The following PSD3 variants were observed in gnomAD, a reference collection of about 807,000 sequenced individuals.
PSD3 encodes pleckstrin and Sec7 domain containing 3.
A neutral mutation model predicts 105.5 loss-of-function variants in PSD3; 49 were observed. That is an observed-to-expected ratio of 0.46 (90% CI 0.37 to 0.59). PSD3 has a LOEUF of 0.59. Among genes scored for constraint, PSD3 ranks in the 20% least tolerant of loss-of-function variants. The probability of loss-of-function intolerance (pLI) is 0.00; values close to 1 mark genes in which losing one functional copy is unlikely to be tolerated. For synonymous variants in PSD3, 557 were observed against 457.8 expected, an observed-to-expected ratio of 1.22 and a Z score of -2.77; for missense variants, 1,561 against 1,263.8, an observed-to-expected ratio of 1.24 and a Z score of -3.57.
chr8:18,678,693 C>A (rs553462693), intron 9 of PSD3, among the ~76,000 whole-genome samples: 98 of 3,106 alleles, frequency 0.032, 1 homozygote, highest in Non-Finnish European at 0.096. Flanking sequence ...TGCCTGTAAT[C>A]CCAGCTAACT....
intron 10 of PSD3, among the ~76,000 whole-genome samples, chr8:18,643,428 C>A (rs1442384704): frequency 6.6e-6 from 1 of 152,176 alleles, no homozygotes; most frequent in African/African-American, 2.4e-5. Flanking sequence ...ACTCAGAAGT[C>A]CGAAGTCCAA....
At chr8:19,035,214 A>C (rs901607577) in intron 1 of PSD3, among the ~76,000 whole-genome samples, 4 of 152,202 alleles carry the variant, frequency 2.6e-5, no homozygotes, top group African/African-American at 7.2e-5. Context: ...ATATTATAGC[A>C]CTACATAATA....
chr8:18,885,812 T>C (rs1341113410), intron 2 of PSD3, among the ~76,000 whole-genome samples: 1 of 152,188 alleles, frequency 6.6e-6, no homozygotes, highest in Admixed American at 6.5e-5. Flanking sequence ...AAATCTTGAA[T>C]TACTATAAAA....
At chr8:18,722,706 A>C (rs539224660) in intron 9 of PSD3, among the ~76,000 whole-genome samples, 10 of 152,272 alleles carry the variant, frequency 6.6e-5, no homozygotes, top group Admixed American at 6.5e-4. Flanking sequence ...GATGAGGGAG[A>C]AAAGCATACT....
At chr8:18,750,986 G>T (rs1457621653) in intron 9 of PSD3, among the ~76,000 whole-genome samples, 1 of 152,140 alleles carries the variant, frequency 6.6e-6, no homozygotes, top group African/African-American at 2.4e-5. Context: ...TTCACCCAGT[G>T]GATCCCGCAC....
At chr8:18,970,032 C>T (rs779573928) in intron 1 of PSD3, among the ~76,000 whole-genome samples, 2 of 124,080 alleles carry the variant, frequency 1.6e-5, no homozygotes, top group Non-Finnish European at 3.4e-5. Context: ...AAAGGAAAAA[C>T]AAGAAACAAC....
chr8:18,868,458 A>G (rs2129456779), intron 3 of PSD3, among the ~76,000 whole-genome samples: 1 of 152,250 alleles, frequency 6.6e-6, no homozygotes, highest in South Asian at 2.1e-4. Flanking sequence ...GATACGGCAA[A>G]ATTTCAGTAA....
At chr8:18,727,491 C>T (rs528492430) in intron 9 of PSD3, among the ~76,000 whole-genome samples, 1 of 150,398 alleles carries the variant, frequency 6.6e-6, no homozygotes, top group African/African-American at 2.4e-5. Flanking sequence ...GCCTGGGTAA[C>T]AGAGCAAGAT....
At chr8:18,839,735 G>C (rs1238194487) in intron 4 of PSD3, among the ~76,000 whole-genome samples, 5 of 152,064 alleles carry the variant, frequency 3.3e-5, no homozygotes, top group African/African-American at 1.2e-4. Context: ...AGTAAGATCA[G>C]AGTTCTCCTC....
chr8:18,684,601 T>C (rs978921369), intron 9 of PSD3, among the ~76,000 whole-genome samples: 3 of 152,214 alleles, frequency 2.0e-5, no homozygotes, highest in African/African-American at 7.2e-5. Flanking sequence ...CAATTCAAAT[T>C]ATGTTGCCAT....
chr8:18,715,656 T>C (rs983355795), intron 9 of PSD3, among the ~76,000 whole-genome samples: 4 of 152,234 alleles, frequency 2.6e-5, no homozygotes, highest in African/African-American at 9.6e-5. Context: ...ATCAATGCTC[T>C]ACCTCAGTTG....
intron 4 of PSD3, among the ~76,000 whole-genome samples, chr8:18,851,255 A>C (rs1815537630): frequency 6.6e-6 from 1 of 152,238 alleles, no homozygotes. Flanking sequence ...TCTTACCCAA[A>C]GTCATAGCTG....
At chr8:19,068,760 T>C (rs201706294) in intron 1 of PSD3, among the ~76,000 whole-genome samples, 1 of 115,352 alleles carries the variant, frequency 8.7e-6, no homozygotes, top group Non-Finnish European at 1.8e-5. Context: ...TAAAGTTTAA[T>C]TAAAAAAAAA....
At chr8:18,763,228 C>CT (rs1165647929) in intron 9 of PSD3, among the ~76,000 whole-genome samples, 13 of 152,026 alleles carry the variant, frequency 8.6e-5, no homozygotes, top group Non-Finnish European at 5.9e-5. Context: ...TAACTTTAAG[C>CT]TTTTTTAATA....
At chr8:19,076,595 A>G (rs961991221) in intron 1 of PSD3, among the ~76,000 whole-genome samples, 4 of 152,216 alleles carry the variant, frequency 2.6e-5, no homozygotes, top group Non-Finnish European at 5.9e-5. Flanking sequence ...ATCAGATTAA[A>G]TTATGTTATG....
At chr8:18,655,545 A>G (rs1310227535) in intron 10 of PSD3, 97 bp downstream of exon 10, 5 of 1,149,844 alleles carry the variant, frequency 4.3e-6, no homozygotes, top group South Asian at 1.3e-5. Context: ...TTGGCAATGC[A>G]TATTTAATCC....
At chr8:18,911,276 A>G (rs1484805185) in intron 2 of PSD3, among the ~76,000 whole-genome samples, 1 of 152,232 alleles carries the variant, frequency 6.6e-6, no homozygotes, top group Non-Finnish European at 1.5e-5. Flanking sequence ...GAGAAGTTAA[A>G]TAATGTATTC....
chr8:18,865,270 ATATATATATATATATATTTTTTTTTT>A lies in PSD3; in HGVS notation c.1634+2378_1634+2403del, dbSNP rs1816818612. ...TATATATATATATATATATATATATATATATATATATATATATTTTTTTTTTTTTTTTTTTTTTTAAAGGCTATCTG... is the reference window on the plus strand; with the variant it reads ...TATATATATATATATATATATATATATTTTTTTTTTTTTAAAGGCTATCTG... On this transcript the variant is annotated intron_variant, in intron 4 of 15. Coordinates refer to ENST00000327040, the MANE Select transcript of PSD3 (RefSeq NM_015310.4). The A allele has an allele frequency of 2.1e-3, 5 of 2,336 alleles. 1 individual carries two copies. Among genetic ancestry groups the A allele is most frequent in the African/African-American group, 8.4e-3 (5 of 598 alleles). 0.1% of individuals were successfully genotyped at this position (2,336 alleles called of 1,614,324 possible).
chr8:18,920,395 T>G (rs1443371018), intron 2 of PSD3, among the ~76,000 whole-genome samples: 1 of 152,306 alleles, frequency 6.6e-6, no homozygotes, highest in East Asian at 1.9e-4. Flanking sequence ...GACACTTGCT[T>G]GTACCTAAAG....
Sources: gnomAD v4.1 joint callset for allele counts (sites outside exome capture counted in the v4.1 genomes callset) on GRCh38, gnomAD v4.1.1 for gene constraint, MANE v1.5 for transcripts, NCBI Gene and HGNC (gene_info 2026-07-23, HGNC 2026-07-21) for gene names.